Variants in PIK3CG observed in about 807,000 individuals in gnomAD.
The protein encoded by PIK3CG is phosphatidylinositol 4,5-bisphosphate 3-kinase catalytic subunit gamma isoform.
In PIK3CG, 55 loss-of-function variants were observed where a neutral mutation model predicts 102.3. That is an observed-to-expected ratio of 0.54 (90% CI 0.43 to 0.67). PIK3CG has a LOEUF of 0.67. PIK3CG is among the 30% of genes least tolerant of loss of function. The probability of loss-of-function intolerance (pLI) is 0.00; values close to 1 mark genes in which losing one functional copy is unlikely to be tolerated. For missense variants in PIK3CG, 1,258 were observed against 1,391.8 expected, an observed-to-expected ratio of 0.90 and a Z score of 1.53; for synonymous variants, 552 against 540.0, an observed-to-expected ratio of 1.02 and a Z score of -0.31.
rs1367596265 is a variant in PIK3CG at position 106,884,898 on chromosome 7, C to T, written c.2872+632C>T. Reference sequence around the variant, plus strand: ...GCTAGCATCACCACCTCAGCTCCACCTCAGATCATCAGGCATTAGATTCTC... The same window carrying T: ...GCTAGCATCACCACCTCAGCTCCACTTCAGATCATCAGGCATTAGATTCTC... On this transcript the variant is annotated intron_variant, in intron 9 of 10. Transcript: ENST00000496166. The surrounding 1 kb of genome is among the most constrained non-coding windows in gnomAD (Gnocchi z 4.2). Among the ~76,000 whole-genome samples the T allele has an allele frequency of 6.6e-6, 1 of 152,132 alleles. No individual in the cohort carries two copies. The highest frequency in any genetic ancestry group is 1.5e-5 in the Non-Finnish European group (1 of 68,018).
In PIK3CG at chr7:106,903,787, C is replaced by G. The variant is rs1461348269; in HGVS notation, c.3031-1322C>G. Among the ~76,000 whole-genome samples, 1 of 151,844 alleles carries G rather than the reference C, an allele frequency of 6.6e-6. No homozygotes were observed. The highest frequency in any genetic ancestry group is 1.5e-5 in the Non-Finnish European group (1 of 67,988). On this transcript the variant is annotated intron_variant, in intron 10 of 10. Coordinates refer to ENST00000496166, the MANE Select transcript of PIK3CG (RefSeq NM_001282426.2). This position sits in a 1 kb window ranked among gnomAD's most constrained non-coding sequence, Gnocchi z 4.3. ...TTATTTATTTATTTAGAGACAGAGT[C>G]TCACTCTGTTGCCTACTTTGGAGTG...
chr7:106,905,318 G>A lies in PIK3CG; in HGVS notation c.3240G>A (p.Trp1080Ter), dbSNP rs2116619374. 1.2e-6 allele frequency: 2 copies of A among 1,614,028 alleles called. No homozygotes were observed. Among genetic ancestry groups the A allele is most frequent in the Non-Finnish European group, 1.7e-6 (2 of 1,179,928 alleles). The change falls in exon 11 of 11, where the codon TGG (tryptophan) becomes TGA (stop). Residue 1080 changes from tryptophan (W) to a stop codon, truncating the protein, a stop_gained. Transcript: ENST00000496166. LOFTEE classifies it high-confidence loss of function. The surrounding 1 kb of genome is among the most constrained non-coding windows in gnomAD (Gnocchi z 5.6). ...TCGAAGTTTGCAGAGACAAAGGATG[G>A]ACTGTGCAGTTTAATTGGTTTCTAC... ...DQIEVCRDKG[W>*]TVQFNWFLHL...
At position 106,868,843 on chromosome 7, in the gene PIK3CG, C is replaced by G. The variant is rs2116451363; in HGVS notation, c.1282C>G (p.Leu428Val). The stretch of plus-strand genomic sequence containing the variant: ...AATCAAAGACTTGCCCAAAGGGGCT[C>G]TACTGAACCTCCAGATCTACTGCGG... ...IKIKDLPKGA[L>V]LNLQIYCGKA... The change falls in exon 2 of 11, where the codon CTA (leucine) becomes GTA (valine). Residue 428 changes from leucine to valine, a missense_variant. This residue lies in a region of PIK3CG where 832 missense variants were observed against 787.5 expected (regional missense o/e 1.06). Transcript: ENST00000496166. This position sits in a 1 kb window ranked among gnomAD's most constrained non-coding sequence, Gnocchi z 6.2. 2 of 1,614,230 alleles carry G rather than the reference C, an allele frequency of 1.2e-6. No homozygotes were observed. Among genetic ancestry groups the G allele is most frequent in the Non-Finnish European group, 1.7e-6 (2 of 1,180,034 alleles).
At chr7:106,904,910 G>T (rs1466806326) in intron 10 of PIK3CG, among the ~76,000 whole-genome samples, 199 bp from the exon 11 acceptor site, 1 of 152,132 alleles carries the variant, frequency 6.6e-6, no homozygotes, top group East Asian at 1.9e-4. Context: ...GCACTCCCTG[G>T]ATATATGCAA....
At position 106,893,713 on chromosome 7, in the gene PIK3CG, T is replaced by C. The variant is rs1438309540; in HGVS notation, c.3030+7421T>C. ...GATTATGTCCTTTTAGCTAGAGATA[T>C]ATTTGAAGACTTCCTATAGCAAGTA... On this transcript the variant is annotated intron_variant, in intron 10 of 10. Transcript: ENST00000496166. This position sits in a 1 kb window ranked among gnomAD's most constrained non-coding sequence, Gnocchi z 4.4. Among the ~76,000 whole-genome samples the C allele has an allele frequency of 6.6e-6, 1 of 152,200 alleles. No homozygotes were observed. Among genetic ancestry groups the C allele is most frequent in the African/African-American group, 2.4e-5 (1 of 41,444 alleles).
rs1042393846 is a variant in PIK3CG at position 106,899,952 on chromosome 7, G to C, written c.3031-5157G>C. Among the ~76,000 whole-genome samples, 1 of 152,104 alleles carries C rather than the reference G, an allele frequency of 6.6e-6. No homozygotes were observed. Among genetic ancestry groups the C allele is most frequent in the Admixed American group, 6.6e-5 (1 of 15,264 alleles). Reference sequence around the variant, plus strand: ...GGTACCAGCTCTTCTTTGTACATCTGGTAGAATTCAGCTGTGAATTGATCA... The same window carrying C: ...GGTACCAGCTCTTCTTTGTACATCTCGTAGAATTCAGCTGTGAATTGATCA... On this transcript the variant is annotated intron_variant, in intron 10 of 10. Coordinates refer to ENST00000496166, the MANE Select transcript of PIK3CG (RefSeq NM_001282426.2). This position sits in a 1 kb window ranked among gnomAD's most constrained non-coding sequence, Gnocchi z 4.6.
intron 7 of PIK3CG, 41 bp downstream of exon 7, chr7:106,882,248 G>A (rs367916565): frequency 5.7e-5 from 53 of 928,444 alleles, no homozygotes; most frequent in Middle Eastern, 2.3e-4. Context: ...CTCTCAGCTC[G>A]TTTGAAAAGA....
At position 106,880,892 on chromosome 7, in the gene PIK3CG, C is replaced by G. The variant is rs1020411343; in HGVS notation, c.2539-1225C>G. ...GGTCTTGCCATGTTACCCACGCTGG[C>G]CTCAAACTCCTTGGCTCAATGAATC... On this transcript the variant is annotated intron_variant, in intron 6 of 10. Coordinates refer to ENST00000496166, the MANE Select transcript of PIK3CG (RefSeq NM_001282426.2). The surrounding 1 kb of genome is among the most constrained non-coding windows in gnomAD (Gnocchi z 4.2). Among the ~76,000 whole-genome samples, 1 of 151,958 alleles carries G rather than the reference C, an allele frequency of 6.6e-6. No homozygotes were observed. The highest frequency in any genetic ancestry group is 1.5e-5 in the Non-Finnish European group (1 of 67,948).
chr7:106,877,855 C>T lies in PIK3CG; in HGVS notation c.2392-1664C>T, dbSNP rs1184082398. Among the ~76,000 whole-genome samples the T allele has an allele frequency of 6.6e-6, 1 of 152,126 alleles. No individual in the cohort carries two copies. Among genetic ancestry groups the T allele is most frequent in the East Asian group, 1.9e-4 (1 of 5,198 alleles). On this transcript the variant is annotated intron_variant, in intron 5 of 10. Coordinates refer to ENST00000496166, the MANE Select transcript of PIK3CG (RefSeq NM_001282426.2). The surrounding 1 kb of genome is among the most constrained non-coding windows in gnomAD (Gnocchi z 4.5). ...CTTCCATTAACCCCCGCATCCTTTG[C>T]ATTATTTTTATTATGATTTCAACTT...
At chr7:106,885,848 A>G (rs187202274) in intron 9 of PIK3CG, among the ~76,000 whole-genome samples, 9 of 152,248 alleles carry the variant, frequency 5.9e-5, no homozygotes, top group African/African-American at 2.2e-4. Flanking sequence ...GTGGCCAGAG[A>G]GTTTGATTTA....
In PIK3CG at chr7:106,883,744, T is replaced by C. The variant is rs1443818307; in HGVS notation, c.2761-411T>C. 1.3e-5 allele frequency among the ~76,000 whole-genome samples: 2 copies of C among 152,202 alleles called. No homozygotes were observed. Among genetic ancestry groups the C allele is most frequent in the Non-Finnish European group, 2.9e-5 (2 of 68,028 alleles). On this transcript the variant is annotated intron_variant, in intron 8 of 10. Transcript: ENST00000496166. This position sits in a 1 kb window ranked among gnomAD's most constrained non-coding sequence, Gnocchi z 5.8. ...TTAGCAGCCTTTTGGGGAGGAAATA[T>C]AATGAGTAGCACTTATTAATCTGTT... is the stretch of plus-strand genomic sequence containing the variant.
chr7:106,887,083 G>A (rs1012458712), intron 10 of PIK3CG, among the ~76,000 whole-genome samples: 3 of 152,106 alleles, frequency 2.0e-5, no homozygotes, highest in East Asian at 1.9e-4. Flanking sequence ...GGCTACATTC[G>A]GGTTGGATGA....
At chr7:106,875,550 A>C (rs974615884) in intron 5 of PIK3CG, among the ~76,000 whole-genome samples, 1 of 152,182 alleles carries the variant, frequency 6.6e-6, no homozygotes, top group Non-Finnish European at 1.5e-5. Flanking sequence ...TTTCTATCAT[A>C]AAATGCCTTT....
rs1791716430 is a variant in PIK3CG at position 106,907,477 on chromosome 7, A to C, written c.*2090A>C. ...AACATTTTGTGGCACTTCTGGACCA[A>C]CTATTCCCTACTATTCTTTTGAAGA... On this transcript the variant is annotated 3_prime_UTR_variant, in exon 11 of 11. Transcript: ENST00000496166. 6.6e-6 allele frequency among the ~76,000 whole-genome samples: 1 copy of C among 152,136 alleles called. No homozygotes were observed. The highest frequency in any genetic ancestry group is 6.6e-5 in the Admixed American group (1 of 15,254).
In PIK3CG at chr7:106,905,207, A is replaced by G; in HGVS notation, c.3129A>G (p.Thr1043=). ...TGATGACAGGAATGCCCCAGTTAAC[A>G]AGCAAAGAAGACATTGAATATATCC... is the stretch of plus-strand genomic sequence containing the variant. ...MMLMTGMPQL[T]SKEDIEYIRD... is the part of the protein sequence containing the mutation. The change falls in exon 11 of 11, where the codon ACA becomes ACG. Residue 1043 remains threonine, a synonymous_variant. Coordinates refer to ENST00000496166, the MANE Select transcript of PIK3CG (RefSeq NM_001282426.2). The surrounding 1 kb of genome is among the most constrained non-coding windows in gnomAD (Gnocchi z 5.6). The G allele has an allele frequency of 6.2e-7, 1 of 1,614,150 alleles. No homozygotes were observed. The highest frequency in any genetic ancestry group is 8.5e-7 in the Non-Finnish European group (1 of 1,180,002).
chr7:106,883,072 A>G lies in PIK3CG; in HGVS notation c.2669A>G (p.Lys890Arg). 1 of 1,614,202 alleles carries G rather than the reference A, an allele frequency of 6.2e-7. No homozygotes were observed. The highest frequency in any genetic ancestry group is 8.5e-7 in the Non-Finnish European group (1 of 1,180,020). The change falls in exon 8 of 11, where the codon AAA (lysine) becomes AGA (arginine). Residue 890 changes from lysine to arginine, a missense_variant. Around this residue, in one of 2 missense-constraint regions of PIK3CG, gnomAD observed 426 missense variants for 604.2 expected, o/e 0.71. Coordinates refer to ENST00000496166, the MANE Select transcript of PIK3CG (RefSeq NM_001282426.2). This position sits in a 1 kb window ranked among gnomAD's most constrained non-coding sequence, Gnocchi z 5.8. ...GTGAAAGACGCCACGACAATTGCCA[A>G]AATTCAGCAAAGCACAGTGGGCAAC... ...EIVKDATTIAKIQQSTVGNTG... is the reference protein window; with the variant it reads ...EIVKDATTIARIQQSTVGNTG...
rs1790791316 is a variant in PIK3CG, at chr7:106,877,554, T to G, written c.2392-1965T>G. On this transcript the variant is annotated intron_variant, in intron 5 of 10. Transcript: ENST00000496166. The surrounding 1 kb of genome is among the most constrained non-coding windows in gnomAD (Gnocchi z 4.5). ...TTTTGTGTACAGTGTGAGGTGAAGG[T>G]CAGAGTTCATTTTTAAATATGAATA... 6.6e-6 allele frequency among the ~76,000 whole-genome samples: 1 copy of G among 152,220 alleles called. No individual in the cohort carries two copies. The highest frequency in any genetic ancestry group is 1.5e-5 in the Non-Finnish European group (1 of 68,044).
In PIK3CG at chr7:106,891,534, T is replaced by C. The variant is rs1028340630; in HGVS notation, c.3030+5242T>C. On this transcript the variant is annotated intron_variant, in intron 10 of 10. Transcript: ENST00000496166. This position sits in a 1 kb window ranked among gnomAD's most constrained non-coding sequence, Gnocchi z 4.4. ...GGGCATGGAGTATATACACATAGTG[T>C]ACATTCAATACAGGACAGTGGATAA... 6.6e-6 allele frequency among the ~76,000 whole-genome samples: 1 copy of C among 152,158 alleles called. No homozygotes were observed. The highest frequency in any genetic ancestry group is 2.4e-5 in the African/African-American group (1 of 41,426).
rs73409297 is a variant in PIK3CG at position 106,908,817 on chromosome 7, G to A, written c.*3430G>A. On this transcript the variant is annotated 3_prime_UTR_variant, in exon 11 of 11. Coordinates refer to ENST00000496166, the MANE Select transcript of PIK3CG (RefSeq NM_001282426.2). This position sits in a 1 kb window ranked among gnomAD's most constrained non-coding sequence, Gnocchi z 4.1. ...CCAGAGCAAATCTGACCTAGCATTTGGTATGCTAGGCTCTGCTTTTCATGA... is the reference window on the plus strand; with the variant it reads ...CCAGAGCAAATCTGACCTAGCATTTAGTATGCTAGGCTCTGCTTTTCATGA... 0.026 allele frequency among the ~76,000 whole-genome samples: 3,888 copies of A among 152,160 alleles called. 169 individuals are homozygous for A. The highest frequency in any genetic ancestry group is 0.087 in the African/African-American group (3,607 of 41,500).
Sources: allele counts gnomAD v4.1 joint callset (sites outside exome capture counted in the v4.1 genomes callset), GRCh38; gene constraint gnomAD v4.1.1; regional missense constraint gnomAD v4.1.1; non-coding constraint Gnocchi (gnomAD v3.1); transcripts MANE v1.5; gene names NCBI Gene and HGNC (gene_info 2026-07-23, HGNC 2026-07-21).